SGCZ: variants seen among roughly 807,000 people sequenced by gnomAD.
The protein encoded by SGCZ is sarcoglycan zeta, also known as zeta-sarcoglycan.
Under a neutral mutation model 41.3 loss-of-function variants are expected in SGCZ, and 40 were observed. The observed-to-expected ratio is 0.97, with a 90% confidence interval of 0.75 to 1.26. SGCZ has a LOEUF of 1.26. Ranked by LOEUF, SGCZ falls within the 50% of genes most tolerant of loss-of-function variation. SGCZ has a pLI of 0.00. For missense variants in SGCZ, 552 were observed against 369.8 expected, an observed-to-expected ratio of 1.49 and a Z score of -4.04; for synonymous variants, 206 against 137.5, an observed-to-expected ratio of 1.50 and a Z score of -3.49.
At chr8:14,900,699 C>T (rs2130759484) in intron 1 of SGCZ, among the ~76,000 whole-genome samples, 1 of 152,300 alleles carries the variant, frequency 6.6e-6, no homozygotes, top group East Asian at 1.9e-4. Flanking sequence ...AATATCCTCT[C>T]ATTTGCAGTT....
chr8:15,169,300 T>TC (rs1263041505), intron 1 of SGCZ, among the ~76,000 whole-genome samples: 1 of 152,048 alleles, frequency 6.6e-6, no homozygotes, highest in Non-Finnish European at 1.5e-5. Flanking sequence ...TCAGAGAAAC[T>TC]CCAACAGCCT....
intron 2 of SGCZ, among the ~76,000 whole-genome samples, chr8:14,518,797 T>C (rs1034173722): frequency 6.7e-6 from 1 of 148,670 alleles, no homozygotes; most frequent in Non-Finnish European, 1.5e-5. Flanking sequence ...ACAGATAATA[T>C]AGAGAGATAT....
At chr8:15,016,526 G>T (rs1419481699) in intron 1 of SGCZ, among the ~76,000 whole-genome samples, 1 of 152,172 alleles carries the variant, frequency 6.6e-6, no homozygotes, top group Non-Finnish European at 1.5e-5. Flanking sequence ...ACTTCTTCCA[G>T]GGGCGTAGAC....
chr8:14,132,158 C>T (rs1803061044), intron 5 of SGCZ, among the ~76,000 whole-genome samples: 1 of 152,054 alleles, frequency 6.6e-6, no homozygotes. Flanking sequence ...CATTTCTGCT[C>T]CTCAGACTCA....
At chr8:14,677,916 AT>A (rs1563197200) in intron 1 of SGCZ, among the ~76,000 whole-genome samples, 1 of 152,248 alleles carries the variant, frequency 6.6e-6, no homozygotes, top group Non-Finnish European at 1.5e-5. Context: ...CTATAAAGCT[AT>A]GGAAATCAAG....
At chr8:15,148,582 A>G (rs1377172674) in intron 1 of SGCZ, among the ~76,000 whole-genome samples, 1 of 152,178 alleles carries the variant, frequency 6.6e-6, no homozygotes, top group African/African-American at 2.4e-5. Context: ...GTTACCATCA[A>G]TTATTTTTGC....
intron 1 of SGCZ, among the ~76,000 whole-genome samples, chr8:15,228,105 T>C (rs1027551998): frequency 5.9e-5 from 9 of 152,258 alleles, no homozygotes; most frequent in African/African-American, 1.9e-4. Flanking sequence ...GTTGTGTTTT[T>C]ATTTGTTATA....
chr8:14,570,242 T>A (rs934508442), intron 1 of SGCZ, among the ~76,000 whole-genome samples: 1 of 152,150 alleles, frequency 6.6e-6, no homozygotes, highest in African/African-American at 2.4e-5. Context: ...CTACCATTTG[T>A]CCCATCATGT....
intron 1 of SGCZ, among the ~76,000 whole-genome samples, chr8:14,992,702 AC>A (rs1802061959): frequency 2.7e-5 from 1 of 37,446 alleles, no homozygotes; most frequent in Non-Finnish European, 4.7e-5. Flanking sequence ...TTTACCCCCC[AC>A]CCATCCTCCT....
intron 1 of SGCZ, among the ~76,000 whole-genome samples, chr8:15,232,458 C>T (rs1801973904): frequency 6.6e-6 from 1 of 151,942 alleles, no homozygotes; most frequent in South Asian, 2.1e-4. Flanking sequence ...CTAAAATAGT[C>T]ATTTGTCCAA....
chr8:14,263,275 A>G (rs190617496), intron 3 of SGCZ, among the ~76,000 whole-genome samples: 21 of 152,222 alleles, frequency 1.4e-4, no homozygotes, highest in Admixed American at 3.9e-4. Context: ...TAAAAATCAG[A>G]AAAGGCCTCA....
At chr8:14,505,813 A>G (rs373275808) in intron 2 of SGCZ, among the ~76,000 whole-genome samples, 1 of 152,126 alleles carries the variant, frequency 6.6e-6, no homozygotes, top group South Asian at 2.1e-4. Context: ...TCCCCATACT[A>G]TAATGGTGAA....
At chr8:14,157,758 T>C (rs1378080176) in intron 5 of SGCZ, among the ~76,000 whole-genome samples, 1 of 152,116 alleles carries the variant, frequency 6.6e-6, no homozygotes, top group Non-Finnish European at 1.5e-5. Context: ...TAGAAGAAGG[T>C]GGGTAAGTAA....
At chr8:14,464,081 G>C (rs1026921239) in intron 2 of SGCZ, among the ~76,000 whole-genome samples, 3 of 151,550 alleles carry the variant, frequency 2.0e-5, no homozygotes, top group Non-Finnish European at 3.0e-5. Flanking sequence ...TCTAGTTTTT[G>C]TATCTTGTAT....
chr8:15,213,038 T>G (rs1225768246), intron 1 of SGCZ, among the ~76,000 whole-genome samples: 1 of 151,954 alleles, frequency 6.6e-6, no homozygotes, highest in Non-Finnish European at 1.5e-5. Context: ...TTTAACTAAA[T>G]GCACAAAAGC....
intron 1 of SGCZ, among the ~76,000 whole-genome samples, chr8:14,818,115 G>C (rs1325842114): frequency 6.6e-6 from 1 of 152,060 alleles, no homozygotes; most frequent in Non-Finnish European, 1.5e-5. Flanking sequence ...ATCTTGCAGT[G>C]ACCCCAACTC....
chr8:14,806,159 C>A (rs1439055185), intron 1 of SGCZ, among the ~76,000 whole-genome samples: 1 of 151,934 alleles, frequency 6.6e-6, no homozygotes, highest in Admixed American at 6.6e-5. Flanking sequence ...CCTAACATCA[C>A]AATAAAAGGA....
At chr8:14,263,595 A>G (rs1022352187) in intron 3 of SGCZ, among the ~76,000 whole-genome samples, 5 of 152,134 alleles carry the variant, frequency 3.3e-5, no homozygotes, top group African/African-American at 1.2e-4. Flanking sequence ...AAATACATAA[A>G]TAAAAATCAG....
chr8:14,310,586 T>C (rs2116996990), intron 3 of SGCZ, among the ~76,000 whole-genome samples: 1 of 152,272 alleles, frequency 6.6e-6, no homozygotes, highest in South Asian at 2.1e-4. Context: ...CTTAGGTTAT[T>C]TTGCTTTGGT....
Sources: gnomAD v4.1 joint callset for allele counts (sites outside exome capture counted in the v4.1 genomes callset) on GRCh38, gnomAD v4.1.1 for gene constraint, MANE v1.5 for transcripts, NCBI Gene and HGNC (gene_info 2026-07-23, HGNC 2026-07-21) for gene names.